The following N4BP2L2 variants were observed in gnomAD, a reference collection of about 807,000 sequenced individuals.
The protein encoded by N4BP2L2 is NEDD4 binding protein 2 like 2, also known as NEDD4-binding protein 2-like 2.
In N4BP2L2, 50 loss-of-function variants were observed where a neutral mutation model predicts 56.2. That is an observed-to-expected ratio of 0.89 (90% CI 0.71 to 1.13). N4BP2L2 has a LOEUF of 1.13. Among genes scored for constraint, N4BP2L2 ranks in the 50% most tolerant of loss-of-function variants. N4BP2L2 has a pLI of 0.00. For synonymous variants in N4BP2L2, 203 were observed against 223.6 expected, an observed-to-expected ratio of 0.91 and a Z score of 0.82; for missense variants, 689 against 693.8, an observed-to-expected ratio of 0.99 and a Z score of 0.08.
At chr13:32,459,925 G>T (rs1376800900) in intron 6 of N4BP2L2, among the ~76,000 whole-genome samples, 1 of 152,072 alleles carries the variant, frequency 6.6e-6, no homozygotes, top group Non-Finnish European at 1.5e-5. Context: ...TGAACAAATG[G>T]AATCTAACAG....
intron 5 of N4BP2L2, among the ~76,000 whole-genome samples, chr13:32,519,315 G>A (rs932337757): frequency 6.6e-6 from 1 of 151,904 alleles, no homozygotes; most frequent in Non-Finnish European, 1.5e-5. Context: ...CTCCCAAGGT[G>A]GGTAGATCGC....
At chr13:32,537,681 AATG>A (rs2056889959) in intron 1 of N4BP2L2, among the ~76,000 whole-genome samples, 1 of 152,186 alleles carries the variant, frequency 6.6e-6, no homozygotes, top group African/African-American at 2.4e-5. Flanking sequence ...CTTAAGTTGT[AATG>A]ATGATAACGG....
rs1044615103 is a variant in N4BP2L2, at chr13:32,500,862, TTTC to T, written c.365+16992_365+16994del. Reference sequence around the variant, plus strand: ...TATGACAACTCTGTCACTTTAGTCTTTTCTTTTTTTTTTTTTTTTTGAGATGGA... The same window carrying T: ...TATGACAACTCTGTCACTTTAGTCTTTTTTTTTTTTTTTTTTTGAGATGGA... On this transcript the variant is annotated intron_variant, in intron 6 of 9. Coordinates refer to the N4BP2L2 transcript ENST00000357505. Among the ~76,000 whole-genome samples the T allele has an allele frequency of 1.2e-4, 17 of 138,446 alleles. No homozygotes were observed. The South Asian group carries it at 3.9e-3, about 32-fold the overall frequency. The allele number at this position is 138,446 out of a possible 152,430, so 90.8% of individuals were successfully genotyped here.
At chr13:32,509,217 A>T (rs762367334), downstream of N4BP2L2, 1 of 152,160 alleles carries the variant, frequency 6.6e-6, no homozygotes, top group Non-Finnish European at 1.5e-5. Flanking sequence ...GAAGCTCCAA[A>T]ATCCTGAACT....
intron 6 of N4BP2L2, chr13:32,446,381 T>C (rs772954694): frequency 1.5e-6 from 2 of 1,365,560 alleles, no homozygotes; most frequent in Non-Finnish European, 2.0e-6. Flanking sequence ...AAAGTCCTAG[T>C]TGCAGTCCAA....
At chr13:32,537,207 G>C (rs1168191271) in intron 1 of N4BP2L2, among the ~76,000 whole-genome samples, 180 bp from the exon 2 acceptor site, 4 of 151,650 alleles carry the variant, frequency 2.6e-5, no homozygotes. Flanking sequence ...GTCACAACAT[G>C]GTGGTTTATG....
exon 6 of N4BP2L2, chr13:32,510,866 C>T (rs1209436283): frequency 6.6e-6 from 1 of 151,958 alleles, no homozygotes; most frequent in Non-Finnish European, 1.5e-5. Flanking sequence ...CTTCATTTAA[C>T]TTTCCTGATA....
Position 32,498,565 on chromosome 13 carries a change from C to T in N4BP2L2, c.365+19292G>A, listed in dbSNP as rs189944236. Among the ~76,000 whole-genome samples the T allele has an allele frequency of 6.0e-4, 91 of 152,016 alleles. No homozygotes were observed. In the East Asian group the frequency reaches 0.017, roughly 28 times the overall value. On this transcript the variant is annotated intron_variant, in intron 6 of 9. Coordinates refer to the N4BP2L2 transcript ENST00000357505. The stretch of plus-strand genomic sequence containing the variant: ...CCATGTTGGCCAGGCTGGTCTCGAA[C>T]TCCTGACCTCAAGTGATCCACCTGC...
At chr13:32,533,515 A>AT (rs766383227) in intron 2 of N4BP2L2, among the ~76,000 whole-genome samples, 5,782 of 122,146 alleles carry the variant, frequency 0.047, 163 homozygotes, top group African/African-American at 0.057. Flanking sequence ...AGCATTACTA[A>AT]TTTTTTTTTT....
intron 6 of N4BP2L2, among the ~76,000 whole-genome samples, chr13:32,494,358 AT>A (rs536699015): frequency 1.3e-5 from 2 of 152,090 alleles, no homozygotes; most frequent in African/African-American, 2.4e-5. Context: ...CTAATACACC[AT>A]TTTTTTAGCA....
intron 4 of N4BP2L2, 147 bp from the exon 5 acceptor site, chr13:32,521,596 C>T (rs2050929818): frequency 5.4e-6 from 3 of 550,496 alleles, no homozygotes; most frequent in Non-Finnish European, 9.6e-6. Context: ...TGGTTTATAA[C>T]AGTTAAGACT....
At chr13:32,463,076 C>A (rs529065091) in intron 6 of N4BP2L2, among the ~76,000 whole-genome samples, 108 of 149,340 alleles carry the variant, frequency 7.2e-4, no homozygotes, top group African/African-American at 2.6e-3. Context: ...AAATATTACA[C>A]ATTAATAAAA....
chr13:32,483,376 T>G (rs761785133), intron 6 of N4BP2L2, among the ~76,000 whole-genome samples: 1 of 152,264 alleles, frequency 6.6e-6, no homozygotes, highest in Non-Finnish European at 1.5e-5. Flanking sequence ...AGAATATTTC[T>G]CTTCAACCTA....
At chr13:32,509,577 C>T (rs1200794111), downstream of N4BP2L2, among the ~76,000 whole-genome samples, 1 of 152,034 alleles carries the variant, frequency 6.6e-6, no homozygotes, top group Non-Finnish European at 1.5e-5. Flanking sequence ...TAACAAGATC[C>T]CTGGTTTTAA....
chr13:32,493,484 T>TA (rs1238147647), intron 6 of N4BP2L2, among the ~76,000 whole-genome samples: 1 of 152,228 alleles, frequency 6.6e-6, no homozygotes, highest in Middle Eastern at 3.2e-3. Context: ...AACATCACCA[T>TA]ACCCATTCAA....
chr13:32,506,383 T>C (rs1377947399), downstream of N4BP2L2: 1 of 152,184 alleles, frequency 6.6e-6, no homozygotes, highest in Non-Finnish European at 1.5e-5. Context: ...GTTGGGTGTC[T>C]GTGTGTGGGA....
chr13:32,533,515 A>ATT (rs766383227), intron 2 of N4BP2L2, among the ~76,000 whole-genome samples: 2,765 of 122,134 alleles, frequency 0.023, 60 homozygotes, highest in African/African-American at 0.054. Context: ...AGCATTACTA[A>ATT]TTTTTTTTTT....
intron 9 of N4BP2L2, among the ~76,000 whole-genome samples, chr13:32,433,204 G>C (rs998860637): frequency 6.6e-6 from 1 of 152,126 alleles, no homozygotes; most frequent in African/African-American, 2.4e-5. Flanking sequence ...CATTCCCTGA[G>C]GATCCAGCTA....
intron 6 of N4BP2L2, among the ~76,000 whole-genome samples, chr13:32,503,770 G>A (rs1025212676): frequency 2.6e-5 from 4 of 152,330 alleles, no homozygotes; most frequent in South Asian, 2.1e-4. Context: ...TCATGGCCAC[G>A]TACAGTGGCT....
Sources: gnomAD v4.1 joint callset for allele counts (sites outside exome capture counted in the v4.1 genomes callset) on GRCh38, gnomAD v4.1.1 for gene constraint, MANE v1.5 for transcripts, NCBI Gene and HGNC (gene_info 2026-07-23, HGNC 2026-07-21) for gene names.